The following HOOK3 variants were observed in gnomAD, a reference collection of about 807,000 sequenced individuals.
HOOK3 encodes hook microtubule tethering protein 3.
In HOOK3, 24 loss-of-function variants were observed where a neutral mutation model predicts 116.3. That is an observed-to-expected ratio of 0.21 (90% CI 0.15 to 0.29). The LOEUF is 0.29. HOOK3 is among the 10% of genes least tolerant of loss of function. The pLI, the probability that HOOK3 is intolerant of heterozygous loss-of-function variation, is 1.00. For missense variants in HOOK3, 632 were observed against 830.2 expected (o/e 0.76, Z 2.93); for synonymous variants, 275 against 283.0 (o/e 0.97, Z 0.28).
intron 2 of HOOK3, among the ~76,000 whole-genome samples, chr8:42,920,146 G>A (rs1807628861): frequency 1.3e-5 from 2 of 152,154 alleles, no homozygotes; most frequent in Admixed American, 1.3e-4. Context: ...TTAGGACATA[G>A]CGAGCAGCTA....
intron 2 of HOOK3, among the ~76,000 whole-genome samples, chr8:42,912,719 G>A (rs368637969): frequency 1.3e-5 from 2 of 151,936 alleles, no homozygotes; most frequent in East Asian, 1.9e-4. Context: ...CACCACAATG[G>A]TATATTTGTT....
At chr8:42,941,131 G>A (rs543274299) in intron 4 of HOOK3, among the ~76,000 whole-genome samples, 4 of 151,758 alleles carry the variant, frequency 2.6e-5, no homozygotes, top group Admixed American at 2.0e-4. Context: ...ATTTTTAGTA[G>A]AGACGGGATT....
chr8:42,913,303 A>C (rs1020191555), intron 2 of HOOK3, among the ~76,000 whole-genome samples: 37 of 152,236 alleles, frequency 2.4e-4, no homozygotes, highest in Middle Eastern at 3.4e-3. Flanking sequence ...CCTCTTTCCC[A>C]TCCCCAAGCA....
At position 43,002,834 on chromosome 8, in the gene HOOK3, C is replaced by T. The variant is rs551581434; in HGVS notation, c.1655+693C>T. On this transcript the variant is annotated intron_variant, in intron 17 of 21. Transcript: ENST00000307602. ...CTGGCATTACAAGTACATGCCAGCA[C>T]ACCCAGTCTAATCTTCTTTCTTAAG... Among the ~76,000 whole-genome samples the T allele has an allele frequency of 5.3e-5, 8 of 152,294 alleles. No homozygotes were observed. In the East Asian group the frequency reaches 1.4e-3, roughly 26 times the overall value.
chr8:43,029,750 T>TC lies in HOOK3; in HGVS notation c.*11257dup, dbSNP rs1388938063. ...TTGGGGATAGAAAGAGGCTTTTTTTTCCCCCTGTAGTATTTTTAAAACTTT... is the reference window on the plus strand; with the variant it reads ...TTGGGGATAGAAAGAGGCTTTTTTTTCCCCCCTGTAGTATTTTTAAAACTTT... On this transcript the variant is annotated 3_prime_UTR_variant, in exon 22 of 22. Transcript: ENST00000307602. 1.5e-5 allele frequency: 3 copies of TC among 201,466 alleles called. No homozygotes were observed. The highest frequency in any genetic ancestry group is 6.0e-5 in the Admixed American group (1 of 16,694). 12.5% of individuals were successfully genotyped at this position (201,466 alleles called of 1,614,324 possible).
chr8:42,982,607 T>G lies in HOOK3; in HGVS notation c.1322-20T>G, dbSNP rs1808973495. 3.9e-6 allele frequency: 6 copies of G among 1,549,736 alleles called. No homozygotes were observed. The highest frequency in any genetic ancestry group is 3.3e-5 in the Admixed American group (2 of 59,900). ...ACTGTGTTTTCCATTAGCCTTATATTTATGTTTGTATATTTACAGGGTTAA... is the reference window on the plus strand; with the variant it reads ...ACTGTGTTTTCCATTAGCCTTATATGTATGTTTGTATATTTACAGGGTTAA... On this transcript the variant is annotated intron_variant, in intron 13 of 21. Transcript: ENST00000307602.
intron 3 of HOOK3, 114 bp from the exon 4 acceptor site, chr8:42,930,008 A>G: frequency 1.2e-6 from 1 of 861,840 alleles, no homozygotes. Flanking sequence ...TTTATTTGTT[A>G]ATATTTACTT....
intron 8 of HOOK3, among the ~76,000 whole-genome samples, chr8:42,962,824 A>G (rs1340252080): frequency 1.8e-4 from 20 of 109,472 alleles, no homozygotes; most frequent in African/African-American, 1.0e-3. Context: ...TTTTTGAGAC[A>G]AAGTCTCGCT....
At chr8:42,982,594 A>G (rs752952373) in intron 13 of HOOK3, 33 bp from the exon 14 acceptor site, 6 of 1,463,278 alleles carry the variant, frequency 4.1e-6, no homozygotes, top group Non-Finnish European at 5.8e-6. Context: ...TGTGTTTTCC[A>G]TTAGCCTTAT....
chr8:42,966,540 C>T lies in HOOK3; in HGVS notation c.847C>T (p.Arg283Trp), dbSNP rs766610681. The T allele has an allele frequency of 1.9e-5, 31 of 1,613,888 alleles. No homozygotes were observed. The highest frequency in any genetic ancestry group is 2.5e-5 in the Non-Finnish European group (29 of 1,179,940). The change falls in exon 10 of 22, where the codon CGG (arginine) becomes TGG (tryptophan). Residue 283 changes from arginine to tryptophan, a missense_variant. Arg to Trp is a moderately radical substitution (Grantham distance 101, BLOSUM62 -3). This residue lies in a region of HOOK3 where 483 missense variants were observed against 648.1 expected (regional missense o/e 0.75). Coordinates refer to ENST00000307602, the MANE Select transcript of HOOK3 (RefSeq NM_032410.4). ...EELEKEISEL[R>W]QQNDELTTLA... ...GTTAGAAAAGGAGATCTCTGAACTT[C>T]GGCAACAGAATGATGAACTGACCAC...
intron 15 of HOOK3, among the ~76,000 whole-genome samples, chr8:42,996,695 C>T (rs754158326): frequency 2.0e-5 from 3 of 152,120 alleles, no homozygotes; most frequent in Non-Finnish European, 4.4e-5. Context: ...CCTTTCCACC[C>T]TTAACTCATA....
intron 7 of HOOK3, 118 bp from the exon 8 acceptor site, chr8:42,959,113 T>C: frequency 1.5e-6 from 1 of 648,126 alleles, no homozygotes; most frequent in East Asian, 2.7e-5. Context: ...GATTTCCTCT[T>C]GCACCCTTCC....
Position 42,926,003 on chromosome 8 carries a change from C to T in HOOK3, c.216+374C>T, listed in dbSNP as rs1179711148. 2.6e-5 allele frequency among the ~76,000 whole-genome samples: 4 copies of T among 152,142 alleles called. No homozygotes were observed. The East Asian group carries it at 5.8e-4, about 22-fold the overall frequency. ...TATGCCAAGTACTTAGAATAGTGCA[C>T]GTGGTAGTTATAATGAGATAACACT... On this transcript the variant is annotated intron_variant, in intron 3 of 21. Coordinates refer to ENST00000307602, the MANE Select transcript of HOOK3 (RefSeq NM_032410.4).
In HOOK3 at chr8:43,019,377, A is replaced by G. The variant is rs1586637470; in HGVS notation, c.*879A>G. ...TAAAAGAGTTATCTTTCATATATGTACAAGTTATTGGTAGTCTTATTTTTG... is the reference window on the plus strand; with the variant it reads ...TAAAAGAGTTATCTTTCATATATGTGCAAGTTATTGGTAGTCTTATTTTTG... On this transcript the variant is annotated 3_prime_UTR_variant, in exon 22 of 22. Transcript: ENST00000307602. 1 of 214,656 alleles carries G rather than the reference A, an allele frequency of 4.7e-6. No homozygotes were observed. Among genetic ancestry groups the G allele is most frequent in the Non-Finnish European group, 9.4e-6 (1 of 106,588 alleles). 13.3% of individuals were successfully genotyped at this position (214,656 alleles called of 1,614,324 possible).
chr8:43,010,610 A>C (rs56065225), intron 19 of HOOK3, among the ~76,000 whole-genome samples: 50,069 of 152,128 alleles, frequency 0.33, 9,869 homozygotes, highest in East Asian at 0.58. Context: ...AATTACCAAG[A>C]GGAAAATGTA....
chr8:43,025,001 A>G lies in HOOK3; in HGVS notation c.*6503A>G, dbSNP rs192216333. 2.8e-4 allele frequency: 56 copies of G among 203,440 alleles called. No individual in the cohort carries two copies. Among genetic ancestry groups the G allele is most frequent in the African/African-American group, 1.2e-3 (53 of 43,908 alleles). The allele number at this position is 203,440 out of a possible 1,614,324, so 12.6% of individuals were successfully genotyped here. The stretch of plus-strand genomic sequence containing the variant: ...TCAAACCATTTCACATGTATTATCT[A>G]TATGACTATAGAAACTTATAAAACA... On this transcript the variant is annotated 3_prime_UTR_variant, in exon 22 of 22. Transcript: ENST00000307602.
intron 5 of HOOK3, among the ~76,000 whole-genome samples, chr8:42,943,730 A>G (rs920176659): frequency 1.3e-5 from 2 of 152,208 alleles, no homozygotes; most frequent in African/African-American, 4.8e-5. Context: ...TGTTAATTTG[A>G]CAACATCTAC....
At position 42,939,504 on chromosome 8, in the gene HOOK3, C is replaced by T. The variant is rs573015632; in HGVS notation, c.268-3809C>T. The stretch of plus-strand genomic sequence containing the variant: ...GGCGCCCCTCACCTCCCGGACGGGG[C>T]GGCTGGCCGGGCGGGGGGCTGATCC... On this transcript the variant is annotated intron_variant, in intron 4 of 21. Transcript: ENST00000307602. Among the ~76,000 whole-genome samples, 387 of 143,890 alleles carry T rather than the reference C, an allele frequency of 2.7e-3. 1 individual carries two copies. The highest frequency in any genetic ancestry group is 6.2e-3 in the Admixed American group (91 of 14,662). 94.4% of individuals were successfully genotyped at this position (143,890 alleles called of 152,430 possible).
At chr8:43,014,339 CATTTATTTATTT>C (rs574484549) in intron 21 of HOOK3, among the ~76,000 whole-genome samples, 3 of 149,036 alleles carry the variant, frequency 2.0e-5, no homozygotes, top group Non-Finnish European at 4.5e-5. Flanking sequence ...GACCAGATTC[CATTTATTTATTT>C]ATTTATTTAT....
Sources: allele counts gnomAD v4.1 joint callset (sites outside exome capture counted in the v4.1 genomes callset), GRCh38; gene constraint gnomAD v4.1.1; regional missense constraint gnomAD v4.1.1; transcripts MANE v1.5; gene names NCBI Gene and HGNC (gene_info 2026-07-23, HGNC 2026-07-21).